KCNMA1: variants seen among roughly 807,000 people sequenced by gnomAD.
The protein encoded by KCNMA1 is potassium calcium-activated channel subfamily M alpha 1.
Under a neutral mutation model 140.0 loss-of-function variants are expected in KCNMA1, and 29 were observed. That is an observed-to-expected ratio of 0.21 (90% CI 0.15 to 0.28). The LOEUF (loss-of-function observed/expected upper bound fraction) is 0.28, where lower values mean the gene tolerates loss of function less well. KCNMA1 is among the 10% of genes least tolerant of loss of function. The probability of loss-of-function intolerance (pLI) is 1.00; values close to 1 mark genes in which losing one functional copy is unlikely to be tolerated. For synonymous variants in KCNMA1, 612 were observed against 611.9 expected, an observed-to-expected ratio of 1.00 and a Z score of 0.00; for missense variants, 880 against 1,602.2, an observed-to-expected ratio of 0.55 and a Z score of 7.70.
In KCNMA1 at chr10:77,566,859, GAA is replaced by G. The variant is rs201284658; in HGVS notation, c.378+70404_378+70405del. On this transcript the variant is annotated intron_variant, in intron 1 of 27. Coordinates refer to ENST00000286628, the MANE Select transcript of KCNMA1 (RefSeq NM_001161352.2). ...GAGACAATAAGGGAAGTAAAAAAGGGAAAGAGAGAAACGGAGAAAAAGCAAAA... is the reference window on the plus strand; with the variant it reads ...GAGACAATAAGGGAAGTAAAAAAGGGAGAGAGAAACGGAGAAAAAGCAAAA... 2.4e-3 allele frequency among the ~76,000 whole-genome samples: 359 copies of G among 152,274 alleles called. 8 individuals are homozygous for G. In the South Asian group the frequency reaches 0.025, roughly 11 times the overall value.
Position 77,108,283 on chromosome 10 carries a change from T to C in KCNMA1, c.1223+198A>G. On this transcript the variant is annotated intron_variant, in intron 9 of 27. Transcript: ENST00000286628. The surrounding 1 kb of genome is among the most constrained non-coding windows in gnomAD (Gnocchi z 4.6). ...CACATCTTTTCTGATGCAACTGACTTACTTTCTGCCTCCATGTTTGTTAAA... is the reference window on the plus strand; with the variant it reads ...CACATCTTTTCTGATGCAACTGACTCACTTTCTGCCTCCATGTTTGTTAAA... 6.8e-7 allele frequency: 1 copy of C among 1,473,694 alleles called. No homozygotes were observed. Among genetic ancestry groups the C allele is most frequent in the Non-Finnish European group, 8.9e-7 (1 of 1,120,224 alleles). The allele number at this position is 1,473,694 out of a possible 1,614,324, so 91.3% of individuals were successfully genotyped here. A position where few individuals can be genotyped will look rare whatever the true frequency, so the allele number is the denominator to read the frequency against.
rs146393750 is a variant in KCNMA1 at position 77,227,775 on chromosome 10, A to T, written c.602+23420T>A. ...ATAAAATGGCTAATTTCTATTAGCC[A>T]TTTGGGAGTACTTCTGCCACTTCCC... On this transcript the variant is annotated intron_variant, in intron 3 of 27. Coordinates refer to ENST00000286628, the MANE Select transcript of KCNMA1 (RefSeq NM_001161352.2). Among the ~76,000 whole-genome samples, 274 of 132,392 alleles carry T rather than the reference A, an allele frequency of 2.1e-3. 1 individual carries two copies. Among genetic ancestry groups the T allele is most frequent in the Admixed American group, 0.02 (237 of 11,826 alleles). The allele number at this position is 132,392 out of a possible 152,430, so 86.9% of individuals were successfully genotyped here.
rs180878312 is a variant in KCNMA1, at chr10:77,282,805, T to C, written c.541-31549A>G. Among the ~76,000 whole-genome samples, 460 of 151,752 alleles carry C rather than the reference T, an allele frequency of 3.0e-3. 2 individuals carry two copies. Among genetic ancestry groups the C allele is most frequent in the Non-Finnish European group, 1.9e-3 (132 of 67,914 alleles). On this transcript the variant is annotated intron_variant, in intron 2 of 27. Transcript: ENST00000286628. ...ACAAGGATCCCCTTGAGCCCAGGAGTTCAAATTCAGCCGGGGCAACATAGC... is the reference window on the plus strand; with the variant it reads ...ACAAGGATCCCCTTGAGCCCAGGAGCTCAAATTCAGCCGGGGCAACATAGC...
intron 14 of KCNMA1, among the ~76,000 whole-genome samples, chr10:77,052,775 G>A (rs893551428): frequency 1.3e-5 from 2 of 152,086 alleles, no homozygotes; most frequent in African/African-American, 4.8e-5. Context: ...ATTCAATCTT[G>A]AGCCCAATTT....
intron 1 of KCNMA1, among the ~76,000 whole-genome samples, chr10:77,554,964 A>G (rs1009303147): frequency 1.3e-5 from 2 of 152,004 alleles, no homozygotes; most frequent in Non-Finnish European, 2.9e-5. Context: ...CTTTTCTCAT[A>G]ATATGAAAGT....
Position 77,527,647 on chromosome 10 carries a change from T to C in KCNMA1, c.378+109618A>G, listed in dbSNP as rs1478231016. Reference sequence around the variant, plus strand: ...TCCCCAGTTATAACCAGAAGGCAGGTGCAATTTCTAGAAGAGCCCATAAAC... The same window carrying C: ...TCCCCAGTTATAACCAGAAGGCAGGCGCAATTTCTAGAAGAGCCCATAAAC... On this transcript the variant is annotated intron_variant, in intron 1 of 27. Transcript: ENST00000286628. Among the ~76,000 whole-genome samples, 3 of 152,064 alleles carry C rather than the reference T, an allele frequency of 2.0e-5. No homozygotes were observed. The East Asian group carries it at 5.8e-4, about 29-fold the overall frequency.
chr10:77,370,684 C>T (rs1399067341), intron 2 of KCNMA1, among the ~76,000 whole-genome samples: 1 of 152,158 alleles, frequency 6.6e-6, no homozygotes, highest in Admixed American at 6.5e-5. Flanking sequence ...GGTAGATGAC[C>T]TATCCAAGTT....
At chr10:77,347,882 C>T (rs2092396061) in intron 2 of KCNMA1, among the ~76,000 whole-genome samples, 1 of 152,118 alleles carries the variant, frequency 6.6e-6, no homozygotes, top group Non-Finnish European at 1.5e-5. Context: ...GCACTTAATC[C>T]TCAATGCAAC....
chr10:77,197,612 G>C (rs139259420), intron 3 of KCNMA1, among the ~76,000 whole-genome samples: 1 of 152,216 alleles, frequency 6.6e-6, no homozygotes, highest in African/African-American at 2.4e-5. Flanking sequence ...TGGAATGCTC[G>C]CTGCTTTAAT....
At chr10:77,504,014 C>G (rs968132390) in intron 1 of KCNMA1, among the ~76,000 whole-genome samples, 1 of 152,136 alleles carries the variant, frequency 6.6e-6, no homozygotes, top group Non-Finnish European at 1.5e-5. Context: ...GGGCAGGGCG[C>G]AGGTGGCTGG....
Position 77,324,971 on chromosome 10 carries a change from CTGTGTG to C in KCNMA1, c.541-73721_541-73716del, listed in dbSNP as rs144907110. 3.0e-3 allele frequency among the ~76,000 whole-genome samples: 275 copies of C among 90,424 alleles called. 2 individuals are homozygous for C. The highest frequency in any genetic ancestry group is 4.8e-3 in the Non-Finnish European group (225 of 46,678). 59.3% of individuals were successfully genotyped at this position (90,424 alleles called of 152,430 possible). A position where few individuals can be genotyped will look rare whatever the true frequency, so the allele number is the denominator to read the frequency against. ...TCTCTCTCTCTCTCTCTCTCTCTCTCTGTGTGTGTGTGTGTGTGTGTGTGTGTGTGT... is the reference window on the plus strand; with the variant it reads ...TCTCTCTCTCTCTCTCTCTCTCTCTCTGTGTGTGTGTGTGTGTGTGTGTGT... On this transcript the variant is annotated intron_variant, in intron 2 of 27. Coordinates refer to ENST00000286628, the MANE Select transcript of KCNMA1 (RefSeq NM_001161352.2).
At chr10:77,136,511 C>T (rs527754799) in intron 5 of KCNMA1, among the ~76,000 whole-genome samples, 2 of 150,596 alleles carry the variant, frequency 1.3e-5, no homozygotes, top group African/African-American at 4.9e-5. Context: ...CTGAACTGTA[C>T]ACTAAAAATA....
chr10:77,319,083 T>C (rs1486377513), intron 2 of KCNMA1, among the ~76,000 whole-genome samples: 1 of 152,220 alleles, frequency 6.6e-6, no homozygotes, highest in Non-Finnish European at 1.5e-5. Context: ...GAAACCATCC[T>C]TGACCTTGAG....
intron 13 of KCNMA1, among the ~76,000 whole-genome samples, chr10:77,074,464 C>G (rs966111349): frequency 1.3e-5 from 2 of 152,140 alleles, no homozygotes; most frequent in South Asian, 4.1e-4. Context: ...TGGAAAAGAT[C>G]TTTTGAGGAA....
At chr10:77,212,567 A>G (rs1962880) in intron 3 of KCNMA1, among the ~76,000 whole-genome samples, 37,428 of 152,132 alleles carry the variant, frequency 0.25, 4,940 homozygotes, top group Middle Eastern at 0.29. Flanking sequence ...TAAAATAAAA[A>G]CTGAAATTAA....
chr10:77,455,968 T>C (rs893095381), intron 1 of KCNMA1, among the ~76,000 whole-genome samples: 6 of 152,252 alleles, frequency 3.9e-5, no homozygotes, highest in Non-Finnish European at 7.3e-5. Flanking sequence ...GGCTTTTGTG[T>C]GGCTGATGAA....
intron 19 of KCNMA1, among the ~76,000 whole-genome samples, chr10:76,971,449 A>G (rs1352394195): frequency 6.6e-6 from 1 of 152,194 alleles, no homozygotes; most frequent in African/African-American, 2.4e-5. Flanking sequence ...TAATAATCCA[A>G]CTACCCTCCA....
At chr10:77,382,854 A>C (rs1181287039) in intron 2 of KCNMA1, among the ~76,000 whole-genome samples, 1 of 126,374 alleles carries the variant, frequency 7.9e-6, no homozygotes, top group Non-Finnish European at 1.6e-5. Context: ...GACAAGAGCA[A>C]AGCTCCGTCT....
intron 1 of KCNMA1, among the ~76,000 whole-genome samples, chr10:77,414,011 A>G (rs189745): frequency 0.46 from 70,474 of 151,924 alleles, 17,439 homozygotes; most frequent in South Asian, 0.56. Flanking sequence ...CCAGATTCTC[A>G]CTCTTAGAAG....
Sources: allele counts gnomAD v4.1 joint callset (sites outside exome capture counted in the v4.1 genomes callset), GRCh38; gene constraint gnomAD v4.1.1; non-coding constraint Gnocchi (gnomAD v3.1); transcripts MANE v1.5; gene names NCBI Gene and HGNC (gene_info 2026-07-23, HGNC 2026-07-21).